Variants in FNTB observed in about 807,000 individuals in gnomAD.
FNTB encodes farnesyltransferase, CAAX box, subunit beta, also known as protein farnesyltransferase subunit beta.
In FNTB, 27 loss-of-function variants were observed where a neutral mutation model predicts 59.4. That is an observed-to-expected ratio of 0.45 (90% CI 0.34 to 0.63). The LOEUF is 0.63. Ranked by LOEUF, FNTB falls within the 20% of genes least tolerant of loss-of-function variation. FNTB has a pLI of 0.02. For missense variants in FNTB, 449 were observed against 559.6 expected, an observed-to-expected ratio of 0.80 and a Z score of 1.99; for synonymous variants, 230 against 220.7, an observed-to-expected ratio of 1.04 and a Z score of -0.37.
intron 7 of FNTB, among the ~76,000 whole-genome samples, chr14:65,037,748 ATTTATTTATTTAT>A (rs1566562893): frequency 1.1e-3 from 84 of 75,716 alleles, no homozygotes; most frequent in East Asian, 2.4e-3. Context: ...TTTATTATTT[ATTTATTTATTTAT>A]TTATTTATTT....
Position 65,038,343 on chromosome 14 carries a change from G to A in FNTB, c.693-2447G>A, listed in dbSNP as rs187159859. ...GAGAATTGCTTGAACCCAGGAGGCA[G>A]AGGTTGCAGTGAGCCGAGATCGCAC... On this transcript the variant is annotated intron_variant, in intron 7 of 11. Coordinates refer to ENST00000246166, the MANE Select transcript of FNTB (RefSeq NM_002028.4). Among the ~76,000 whole-genome samples, 254 of 152,026 alleles carry A rather than the reference G, an allele frequency of 1.7e-3. 1 individual carries two copies. The highest frequency in any genetic ancestry group is 6.0e-3 in the African/African-American group (249 of 41,450).
chr14:65,028,813 G>T lies in FNTB; in HGVS notation c.605+1032G>T, dbSNP rs1044410659. On this transcript the variant is annotated intron_variant, in intron 6 of 11. Transcript: ENST00000246166. The surrounding 1 kb of genome is among the most constrained non-coding windows in gnomAD (Gnocchi z 4.4). ...TCTTCTTAAGGAAAATGTTAAAAGA[G>T]TTTTTTTCCCTCGTGTTCACTACAT... Among the ~76,000 whole-genome samples the T allele has an allele frequency of 1.3e-5, 2 of 152,128 alleles. No individual in the cohort carries two copies.
chr14:65,056,059 T>C (rs2139683340), intron 11 of FNTB, among the ~76,000 whole-genome samples: 1 of 152,366 alleles, frequency 6.6e-6, no homozygotes, highest in South Asian at 2.1e-4. Context: ...TGGATGTTTT[T>C]GTGCTATTGC....
rs752204333 is a variant in FNTB at position 65,032,567 on chromosome 14, T to C, written c.606-43T>C. ...GCGGAGTTCACTGAGCCTCATTAGCTCTTCCGTAGAGCTTAATGTGTTTCC... is the reference window on the plus strand; with the variant it reads ...GCGGAGTTCACTGAGCCTCATTAGCCCTTCCGTAGAGCTTAATGTGTTTCC... On this transcript the variant is annotated intron_variant, in intron 6 of 11. Coordinates refer to ENST00000246166, the MANE Select transcript of FNTB (RefSeq NM_002028.4). This position sits in a 1 kb window ranked among gnomAD's most constrained non-coding sequence, Gnocchi z 5.0. 1.9e-6 allele frequency: 3 copies of C among 1,605,234 alleles called. No homozygotes were observed. Among genetic ancestry groups the C allele is most frequent in the Admixed American group, 1.7e-5 (1 of 58,726 alleles).
In FNTB at chr14:65,029,452, T is replaced by C. The variant is rs184826320; in HGVS notation, c.605+1671T>C. On this transcript the variant is annotated intron_variant, in intron 6 of 11. Coordinates refer to ENST00000246166, the MANE Select transcript of FNTB (RefSeq NM_002028.4). This position sits in a 1 kb window ranked among gnomAD's most constrained non-coding sequence, Gnocchi z 4.7. ...GTCTCTGGATGATCTTTCTGCTCTG[T>C]TACACTGCTGATAGTTTCAGAGATG... Among the ~76,000 whole-genome samples the C allele has an allele frequency of 2.6e-5, 4 of 152,242 alleles. No individual in the cohort carries two copies. The highest frequency in any genetic ancestry group is 5.9e-5 in the Non-Finnish European group (4 of 68,042).
At chr14:65,058,949 T>C (rs1168171321) in intron 11 of FNTB, among the ~76,000 whole-genome samples, 1 of 152,210 alleles carries the variant, frequency 6.6e-6, no homozygotes, top group Admixed American at 6.5e-5. Context: ...TATTGTCCTT[T>C]TCCAGTGTTT....
At chr14:65,006,308 T>C in intron 2 of FNTB, 4 of 1,613,584 alleles carry the variant, frequency 2.5e-6, no homozygotes, top group Non-Finnish European at 3.4e-6. Flanking sequence ...GGAGGAAAAA[T>C]ATCAGCTTAC....
intron 8 of FNTB, 31 bp downstream of exon 8, chr14:65,040,950 G>T (rs764240926): frequency 6.2e-7 from 1 of 1,608,694 alleles, no homozygotes; most frequent in Non-Finnish European, 8.5e-7. Flanking sequence ...CCCCCTCTCA[G>T]GCCCCAGGTC....
In FNTB at chr14:65,046,792, A is replaced by G. The variant is rs541647631; in HGVS notation, c.955+2349A>G. ...ATGTGTGGAATCCCATTTTTAGTGA[A>G]GAGTTGACTACAAAAAATTCATAGA... On this transcript the variant is annotated intron_variant, in intron 9 of 11. Transcript: ENST00000246166. Among the ~76,000 whole-genome samples, 4 of 152,308 alleles carry G rather than the reference A, an allele frequency of 2.6e-5. No individual in the cohort carries two copies. The South Asian group carries it at 8.3e-4, about 32-fold the overall frequency.
chr14:65,038,437 C>G (rs1213363006), intron 7 of FNTB, among the ~76,000 whole-genome samples: 2 of 150,008 alleles, frequency 1.3e-5, no homozygotes, highest in Non-Finnish European at 3.0e-5. Flanking sequence ...AAAAATAATA[C>G]TGCCGGGTGC....
Position 65,061,502 on chromosome 14 carries a change from ATTCT to A in FNTB, c.*194_*197del. 9.2e-7 allele frequency: 1 copy of A among 1,084,292 alleles called. No individual in the cohort carries two copies. The highest frequency in any genetic ancestry group is 3.0e-5 in the Admixed American group (1 of 33,448). 67.2% of individuals were successfully genotyped at this position (1,084,292 alleles called of 1,614,324 possible). On this transcript the variant is annotated 3_prime_UTR_variant, in exon 12 of 12. Transcript: ENST00000246166. ...GAGAACACAGTGGCTGGTTTTAAAA[ATTCT>A]TTCCACACCTGTCAAACCAAAAATC...
At chr14:65,018,139 C>CACAGGGGGTGCCTGAGGTGG (rs2139535566) in intron 4 of FNTB, among the ~76,000 whole-genome samples, 1 of 152,056 alleles carries the variant, frequency 6.6e-6, no homozygotes, top group Non-Finnish European at 1.5e-5. Context: ...CCCAGGAATT[C>CACAGGGGGTGCCTGAGGTGG]AAGACCAGTC....
In FNTB at chr14:65,053,228, C is replaced by T. The variant is rs1005725083; in HGVS notation, c.956-10C>T. On this transcript the variant is annotated splice_polypyrimidine_tract_variant and intron_variant, in intron 9 of 11. Coordinates refer to ENST00000246166, the MANE Select transcript of FNTB (RefSeq NM_002028.4). ...TGCCGGGCCCTTACTGACCCTTTGC[C>T]CTTCAACAGGTGACCCTGCCCTTAG... 2 of 1,368,100 alleles carry T rather than the reference C, an allele frequency of 1.5e-6. No individual in the cohort carries two copies. Among genetic ancestry groups the T allele is most frequent in the Non-Finnish European group, 1.9e-6 (2 of 1,049,950 alleles). 84.7% of individuals were successfully genotyped at this position (1,368,100 alleles called of 1,614,324 possible). A position where few individuals can be genotyped will look rare whatever the true frequency, so the allele number is the denominator to read the frequency against.
Position 65,032,465 on chromosome 14 carries a change from C to A in FNTB, c.606-145C>A. ...AATGTCACACCTCTCAGTTGGAGACCCAGGAGGACTGACCGTGTGCCAAGA... is the reference window on the plus strand; with the variant it reads ...AATGTCACACCTCTCAGTTGGAGACACAGGAGGACTGACCGTGTGCCAAGA... On this transcript the variant is annotated intron_variant, in intron 6 of 11. Coordinates refer to ENST00000246166, the MANE Select transcript of FNTB (RefSeq NM_002028.4). This position sits in a 1 kb window ranked among gnomAD's most constrained non-coding sequence, Gnocchi z 5.0. 1 of 709,726 alleles carries A rather than the reference C, an allele frequency of 1.4e-6. No homozygotes were observed. The highest frequency in any genetic ancestry group is 2.2e-6 in the Non-Finnish European group (1 of 459,980). 44.0% of individuals were successfully genotyped at this position (709,726 alleles called of 1,614,324 possible).
At chr14:65,017,901 G>A (rs1305613886) in intron 4 of FNTB, among the ~76,000 whole-genome samples, 1 of 152,128 alleles carries the variant, frequency 6.6e-6, no homozygotes, top group Non-Finnish European at 1.5e-5. Context: ...GTTGCAGTGA[G>A]TCGAGATTGC....
rs4899160 is a variant in FNTB at position 65,014,494 on chromosome 14, C to T, written c.283-1131C>T. Among the ~76,000 whole-genome samples, 37,558 of 152,068 alleles carry T rather than the reference C, an allele frequency of 0.25. 4,837 individuals are homozygous for T. Among genetic ancestry groups the T allele is most frequent in the Non-Finnish European group, 0.3 (20,102 of 67,986 alleles). On this transcript the variant is annotated intron_variant, in intron 3 of 11. Coordinates refer to ENST00000246166, the MANE Select transcript of FNTB (RefSeq NM_002028.4). This position sits in a 1 kb window ranked among gnomAD's most constrained non-coding sequence, Gnocchi z 5.1. ...CTCTCTTCCCCTACAGGTAACCACA[C>T]ACATTCTATATCCCAAGCATCTCAA... is the stretch of plus-strand genomic sequence containing the variant.
chr14:65,052,395 T>C (rs1388342620), intron 9 of FNTB, among the ~76,000 whole-genome samples: 3 of 152,238 alleles, frequency 2.0e-5, no homozygotes, highest in Non-Finnish European at 2.9e-5. Flanking sequence ...AAAAATGATT[T>C]ATTGTCAGGC....
At chr14:64,993,838 C>CT (rs1198706709) in intron 1 of FNTB, among the ~76,000 whole-genome samples, 13,623 of 147,318 alleles carry the variant, frequency 0.092, 740 homozygotes, top group Admixed American at 0.15. Context: ...GATTGGATTT[C>CT]TTTTTTTTTT....
chr14:65,000,815 CAAAAAAAAA>C (rs59420832), intron 1 of FNTB, among the ~76,000 whole-genome samples: 8,898 of 36,446 alleles, frequency 0.24, 484 homozygotes, highest in Admixed American at 0.36. Context: ...GACTCCGTCT[CAAAAAAAAA>C]AAAAAAAAAA....
Sources: gnomAD v4.1 joint callset for allele counts (sites outside exome capture counted in the v4.1 genomes callset) on GRCh38, gnomAD v4.1.1 for gene constraint, Gnocchi (gnomAD v3.1) non-coding constraint, MANE v1.5 for transcripts, NCBI Gene and HGNC (gene_info 2026-07-23, HGNC 2026-07-21) for gene names.